Variants in ADIRF observed in about 807,000 individuals in gnomAD.
ADIRF encodes adipogenesis regulatory factor, also known as adipogenesis factor rich in obesity.
ADIRF carries 9 observed loss-of-function variants against 7.8 expected under a neutral mutation model. The ratio of observed to expected loss-of-function variants is 1.15; its 90% CI spans 0.70 to 2.01. ADIRF has a LOEUF of 2.01. Among genes scored for constraint, ADIRF ranks in the 30% most tolerant of loss-of-function variants. The pLI is 0.00. For synonymous variants in ADIRF, 48 were observed against 39.9 expected (o/e 1.20, Z -0.77); for missense variants, 106 against 98.1 (o/e 1.08, Z -0.34).
intron 1 of ADIRF, chr10:86,968,953 A>C: frequency 7.7e-6 from 2 of 259,690 alleles, no homozygotes; most frequent in East Asian, 8.8e-5. Flanking sequence ...CACCACTTAA[A>C]CCCGCGCGCG....
In ADIRF at chr10:86,970,836, A is replaced by C; in HGVS notation, c.*254A>C. 1.8e-6 allele frequency: 1 copy of C among 560,340 alleles called. No homozygotes were observed. The highest frequency in any genetic ancestry group is 3.4e-6 in the Non-Finnish European group (1 of 294,840). 34.7% of individuals were successfully genotyped at this position (560,340 alleles called of 1,614,324 possible). On this transcript the variant is annotated 3_prime_UTR_variant, in exon 3 of 3. Transcript: ENST00000372013. Reference sequence around the variant, plus strand: ...CTAGCCTCCCAAATTCGGAAATCCAATCCAACGGTCTCAGGAATGTTTTCC... The same window carrying C: ...CTAGCCTCCCAAATTCGGAAATCCACTCCAACGGTCTCAGGAATGTTTTCC...
intron 1 of ADIRF, 43 bp from the exon 2 acceptor site, chr10:86,970,157 T>C (rs1158891074): frequency 7.1e-7 from 1 of 1,417,780 alleles, no homozygotes; most frequent in African/African-American, 1.4e-5. Context: ...CTGTAGTCGG[T>C]GGTGCCTCAA....
rs1844511887 is a variant in ADIRF at position 86,968,583 on chromosome 10, G to A, written c.39G>A (p.Val13=). 6 of 1,613,300 alleles carry A rather than the reference G, an allele frequency of 3.7e-6. No individual in the cohort carries two copies. The African/African-American group carries it at 4.0e-5, about 11-fold the overall frequency. ...GCTTGCAGGACCTGAAGCAACAGGTGGAGGGGACCGCCCAGGAAGCCGGTG... is the reference window on the plus strand; with the variant it reads ...GCTTGCAGGACCTGAAGCAACAGGTAGAGGGGACCGCCCAGGAAGCCGGTG... The part of the protein sequence containing the change: ...SKGLQDLKQQ[V]EGTAQEAVSA... Residue 13 remains valine (V), a synonymous_variant, in exon 1 of 3, where the codon GTG becomes GTA. Transcript: ENST00000372013.
At position 86,970,130 on chromosome 10, in the gene ADIRF, T is replaced by C. The variant is rs1029982263; in HGVS notation, c.62-70T>C. The C allele has an allele frequency of 1.4e-5, 19 of 1,361,412 alleles. No homozygotes were observed. The Admixed American group carries it at 4.1e-4, about 30-fold the overall frequency. The allele number at this position is 1,361,412 out of a possible 1,614,324, so 84.3% of individuals were successfully genotyped here. On this transcript the variant is annotated intron_variant, in intron 1 of 2. Coordinates refer to ENST00000372013, the MANE Select transcript of ADIRF (RefSeq NM_006829.3). ...GAATACTCTGGAGGACACAGAGGCA[T>C]GGCAATGGTGGGGCACCTGTAGTCG...
chr10:86,970,722 C>A lies in ADIRF; in HGVS notation c.*140C>A, dbSNP rs1844584471. ...CTCGGTCTGCCCCCTCATTAAAATTCACGTTCCCACCCTGTGTCCACTTCA... is the reference window on the plus strand; with the variant it reads ...CTCGGTCTGCCCCCTCATTAAAATTAACGTTCCCACCCTGTGTCCACTTCA... On this transcript the variant is annotated 3_prime_UTR_variant, in exon 3 of 3. Coordinates refer to ENST00000372013, the MANE Select transcript of ADIRF (RefSeq NM_006829.3). 2.6e-6 allele frequency: 2 copies of A among 758,192 alleles called. No homozygotes were observed. Among genetic ancestry groups the A allele is most frequent in the African/African-American group, 1.7e-5 (1 of 58,236 alleles). 47.0% of individuals were successfully genotyped at this position (758,192 alleles called of 1,614,324 possible).
In ADIRF at chr10:86,970,479, T is replaced by C; in HGVS notation, c.128T>C (p.Met43Thr). The C allele has an allele frequency of 6.2e-7, 1 of 1,612,374 alleles. No individual in the cohort carries two copies. The highest frequency in any genetic ancestry group is 8.5e-7 in the Non-Finnish European group (1 of 1,179,230). The stretch of plus-strand genomic sequence containing the variant: ...CCTCTCTCCCGCCCTTCCCCAGCCA[T>C]GGACCAGCTGGCCAAGACCACCCAG... ...DQATEAGQKA[M>T]DQLAKTTQET... Residue 43 changes from methionine (M) to threonine (T), a missense_variant, in exon 3 of 3, where the codon ATG becomes ACG. By Grantham distance (81) the Met-to-Thr change is moderately conservative. Coordinates refer to ENST00000372013, the MANE Select transcript of ADIRF (RefSeq NM_006829.3).
chr10:86,970,718 A>T lies in ADIRF; in HGVS notation c.*136A>T. 1.3e-6 allele frequency: 1 copy of T among 777,336 alleles called. No individual in the cohort carries two copies. The highest frequency in any genetic ancestry group is 2.2e-6 in the Non-Finnish European group (1 of 447,154). The allele number at this position is 777,336 out of a possible 1,614,324, so 48.2% of individuals were successfully genotyped here. The stretch of plus-strand genomic sequence containing the variant: ...CCTCCTCGGTCTGCCCCCTCATTAA[A>T]ATTCACGTTCCCACCCTGTGTCCAC... On this transcript the variant is annotated 3_prime_UTR_variant, in exon 3 of 3. Coordinates refer to ENST00000372013, the MANE Select transcript of ADIRF (RefSeq NM_006829.3).
chr10:86,968,992 G>A (rs1844527634), intron 1 of ADIRF: 2 of 212,262 alleles, frequency 9.4e-6, no homozygotes, highest in Non-Finnish European at 1.8e-5. Context: ...GACCTCAAAG[G>A]GCTTTGTTTC....
intron 2 of ADIRF, 25 bp downstream of exon 2, chr10:86,970,287 G>A (rs1844562285): frequency 6.8e-7 from 1 of 1,476,992 alleles, no homozygotes; most frequent in South Asian, 1.4e-5. Context: ...GAGGGAGGCG[G>A]GCAACCCCAG....
In ADIRF at chr10:86,970,462, C is replaced by T. The variant is rs1369595311; in HGVS notation, c.125-14C>T. Reference sequence around the variant, plus strand: ...GGCCCTGCCTGACCTGCCCTCTCTCCCGCCCTTCCCCAGCCATGGACCAGC... The same window carrying T: ...GGCCCTGCCTGACCTGCCCTCTCTCTCGCCCTTCCCCAGCCATGGACCAGC... On this transcript the variant is annotated splice_polypyrimidine_tract_variant and intron_variant, in intron 2 of 2. Transcript: ENST00000372013. The T allele has an allele frequency of 3.7e-6, 6 of 1,608,166 alleles. No individual in the cohort carries two copies. Among genetic ancestry groups the T allele is most frequent in the Non-Finnish European group, 4.2e-6 (5 of 1,176,576 alleles).
At position 86,970,709 on chromosome 10, in the gene ADIRF, C is replaced by T; in HGVS notation, c.*127C>T. On this transcript the variant is annotated 3_prime_UTR_variant, in exon 3 of 3. Transcript: ENST00000372013. ...CAGCCACCACCTCCTCGGTCTGCCCCCTCATTAAAATTCACGTTCCCACCC... is the reference window on the plus strand; with the variant it reads ...CAGCCACCACCTCCTCGGTCTGCCCTCTCATTAAAATTCACGTTCCCACCC... The T allele has an allele frequency of 1.2e-6, 1 of 818,296 alleles. No homozygotes were observed. The highest frequency in any genetic ancestry group is 2.2e-4 in the Middle Eastern group (1 of 4,548). 50.7% of individuals were successfully genotyped at this position (818,296 alleles called of 1,614,324 possible).
At chr10:86,968,674 G>T in intron 1 of ADIRF, 69 bp downstream of exon 1, 1 of 1,544,776 alleles carries the variant, frequency 6.5e-7, no homozygotes, top group Non-Finnish European at 8.8e-7. Flanking sequence ...GAAGCAGCGG[G>T]TCGGCGCGGT....
chr10:86,970,446 T>C, intron 2 of ADIRF, 30 bp from the exon 3 acceptor site: 1 of 1,594,870 alleles, frequency 6.3e-7, no homozygotes, highest in Non-Finnish European at 8.6e-7. Flanking sequence ...GGGCCCTGCC[T>C]GACCTGCCCT....
chr10:86,968,789 G>A (rs1467827663), intron 1 of ADIRF, 184 bp downstream of exon 1: 3 of 617,448 alleles, frequency 4.9e-6, no homozygotes, highest in South Asian at 2.3e-5. Flanking sequence ...GATGGTGCCC[G>A]CAGGGAGGCA....
rs549676770 is a variant in ADIRF, at chr10:86,970,834, C to G, written c.*252C>G. The G allele has an allele frequency of 4.2e-5, 24 of 571,380 alleles. No individual in the cohort carries two copies. The highest frequency in any genetic ancestry group is 2.5e-4 in the East Asian group (6 of 23,908). 35.4% of individuals were successfully genotyped at this position (571,380 alleles called of 1,614,324 possible). On this transcript the variant is annotated 3_prime_UTR_variant, in exon 3 of 3. Coordinates refer to ENST00000372013, the MANE Select transcript of ADIRF (RefSeq NM_006829.3). ...TCCTAGCCTCCCAAATTCGGAAATC[C>G]AATCCAACGGTCTCAGGAATGTTTT... is the stretch of plus-strand genomic sequence containing the variant.
intron 1 of ADIRF, 131 bp downstream of exon 1, chr10:86,968,736 A>C (rs1844517971): frequency 9.7e-7 from 1 of 1,028,968 alleles, no homozygotes; most frequent in East Asian, 2.9e-5. Flanking sequence ...TCCTCCACTG[A>C]GACGCAGGGG....
intron 1 of ADIRF, chr10:86,969,988 G>A (rs1844551227): frequency 2.6e-6 from 1 of 387,116 alleles, no homozygotes; most frequent in Non-Finnish European, 4.6e-6. Flanking sequence ...GGAGCTCAGA[G>A]TTAGAAATAA....
At chr10:86,969,920 T>TG in intron 1 of ADIRF, 1 of 274,596 alleles carries the variant, frequency 3.6e-6, no homozygotes, top group Admixed American at 5.2e-5. Context: ...CCTTCCTCTG[T>TG]CCAACATTTT....
rs1290250321 is a variant in ADIRF at position 86,970,511 on chromosome 10, A to G, written c.160A>G (p.Ile54Val). The G allele has an allele frequency of 2.5e-6, 4 of 1,613,500 alleles. No individual in the cohort carries two copies. Among genetic ancestry groups the G allele is most frequent in the Non-Finnish European group, 3.4e-6 (4 of 1,179,880 alleles). ...GCTGGCCAAGACCACCCAGGAAACC[A>G]TCGACAAGACTGCTAACCAGGCCTC... ...DQLAKTTQET[I>V]DKTANQASDT... The change falls in exon 3 of 3, where the codon ATC becomes GTC. Residue 54 changes from isoleucine (I) to valine (V), a missense_variant. Coordinates refer to ENST00000372013, the MANE Select transcript of ADIRF (RefSeq NM_006829.3).
Sources: allele counts gnomAD v4.1 joint callset, GRCh38; gene constraint gnomAD v4.1.1; transcripts MANE v1.5; gene names NCBI Gene and HGNC (gene_info 2026-07-23, HGNC 2026-07-21).